UMAD1: variants seen among roughly 807,000 people sequenced by gnomAD.
UMAD1 encodes UBAP1-MVB12-associated (UMA)-domain containing protein 1.
Under a neutral mutation model 6.1 loss-of-function variants are expected in UMAD1, and 8 were observed. That is an observed-to-expected ratio of 1.30 (90% confidence interval 0.76 to 2.35). The LOEUF (loss-of-function observed/expected upper bound fraction) is 2.35. Ranked by LOEUF, UMAD1 falls within the 30% of genes most tolerant of loss-of-function variation. The probability of loss-of-function intolerance (pLI) is 0.00; values close to 1 mark genes in which losing one functional copy is unlikely to be tolerated. For missense variants in UMAD1, 130 were observed against 78.4 expected (o/e 1.66, Z -2.49); for synonymous variants, 56 against 31.4 (o/e 1.78, Z -2.61).
chr7:7,867,611 A>G (rs1784257722), intron 3 of UMAD1, among the ~76,000 whole-genome samples: 1 of 152,192 alleles, frequency 6.6e-6, no homozygotes, highest in African/African-American at 2.4e-5. Flanking sequence ...GATTATTAGT[A>G]ACCTTTGTGA....
At chr7:7,844,431 A>G (rs577144721) in intron 3 of UMAD1, among the ~76,000 whole-genome samples, 2 of 152,152 alleles carry the variant, frequency 1.3e-5, no homozygotes, top group South Asian at 4.2e-4. Flanking sequence ...TGCCTCTGCT[A>G]TTAACTTTTA....
At chr7:7,875,515 C>G (rs550670657) in intron 3 of UMAD1, among the ~76,000 whole-genome samples, 11 of 152,322 alleles carry the variant, frequency 7.2e-5, no homozygotes. Flanking sequence ...GATATCACCA[C>G]TGATCCCACA....
intron 2 of UMAD1, among the ~76,000 whole-genome samples, chr7:7,726,315 C>T (rs533207911): frequency 6.6e-6 from 1 of 152,182 alleles, no homozygotes; most frequent in Non-Finnish European, 1.5e-5. Flanking sequence ...TGCCTCTGAC[C>T]AAGGCACTCA....
At chr7:7,722,625 C>T (rs1395268100) in intron 2 of UMAD1, among the ~76,000 whole-genome samples, 1 of 152,144 alleles carries the variant, frequency 6.6e-6, no homozygotes, top group Non-Finnish European at 1.5e-5. Context: ...TGACTCCTGG[C>T]TACAGAAGCA....
At chr7:7,869,606 T>A (rs997877058) in intron 3 of UMAD1, among the ~76,000 whole-genome samples, 2 of 152,212 alleles carry the variant, frequency 1.3e-5, no homozygotes, top group South Asian at 4.1e-4. Context: ...GTCTGAGGCA[T>A]AGGTTGCAGA....
chr7:7,671,497 T>C (rs1010507444), intron 1 of UMAD1, among the ~76,000 whole-genome samples: 1 of 152,230 alleles, frequency 6.6e-6, no homozygotes, highest in Non-Finnish European at 1.5e-5. Context: ...TAATTAGCTG[T>C]TGTTCCTTAA....
chr7:7,693,533 A>G (rs1025486933), intron 2 of UMAD1, among the ~76,000 whole-genome samples: 1 of 152,118 alleles, frequency 6.6e-6, no homozygotes, highest in Non-Finnish European at 1.5e-5. Context: ...TTTATTCTCA[A>G]AAGAGCTTCA....
intron 3 of UMAD1, among the ~76,000 whole-genome samples, chr7:7,826,993 T>C (rs1783354203): frequency 6.6e-6 from 1 of 152,104 alleles, no homozygotes; most frequent in South Asian, 2.1e-4. Flanking sequence ...TTTAATGAAT[T>C]ATAAGGAATT....
intron 3 of UMAD1, among the ~76,000 whole-genome samples, chr7:7,806,980 T>C (rs1444941710): frequency 6.6e-6 from 1 of 152,192 alleles, no homozygotes; most frequent in African/African-American, 2.4e-5. Context: ...AGAGGTTTCT[T>C]TTGGCAAGTT....
At chr7:7,819,391 G>A (rs1459894822) in intron 3 of UMAD1, among the ~76,000 whole-genome samples, 1 of 152,090 alleles carries the variant, frequency 6.6e-6, no homozygotes, top group Non-Finnish European at 1.5e-5. Flanking sequence ...TAAGTTGTAG[G>A]TAATTACTAG....
intron 1 of UMAD1, among the ~76,000 whole-genome samples, chr7:7,648,889 T>C (rs1785157491): frequency 6.7e-6 from 1 of 150,318 alleles, no homozygotes; most frequent in Admixed American, 6.6e-5. Context: ...CCGGGCGCGG[T>C]CGCTCACACT....
chr7:7,743,167 T>C (rs1781507608), intron 2 of UMAD1, among the ~76,000 whole-genome samples: 1 of 152,166 alleles, frequency 6.6e-6, no homozygotes, highest in Admixed American at 6.5e-5. Context: ...TTTGGTCTGG[T>C]GGTGCAGGAT....
chr7:7,806,144 G>A (rs1344314875), intron 3 of UMAD1, among the ~76,000 whole-genome samples: 1 of 151,988 alleles, frequency 6.6e-6, no homozygotes, highest in Non-Finnish European at 1.5e-5. Flanking sequence ...TCTTCCAAAT[G>A]TGGTTTCTCC....
intron 3 of UMAD1, among the ~76,000 whole-genome samples, chr7:7,812,245 A>G (rs1783034590): frequency 6.6e-6 from 1 of 152,172 alleles, no homozygotes; most frequent in Non-Finnish European, 1.5e-5. Context: ...CAAACTGCAC[A>G]TATGGTGTGG....
At chr7:7,741,580 ATAATAAT>A (rs1196599396) in intron 2 of UMAD1, among the ~76,000 whole-genome samples, 11,343 of 92,882 alleles carry the variant, frequency 0.12, 565 homozygotes, top group African/African-American at 0.23. Flanking sequence ...ACGTCTCAAA[ATAATAAT>A]AATAATAATA....
intron 2 of UMAD1, among the ~76,000 whole-genome samples, chr7:7,729,963 G>T (rs547470348): frequency 2.0e-5 from 3 of 152,294 alleles, no homozygotes; most frequent in South Asian, 2.1e-4. Context: ...CTCTCACCCA[G>T]TCTGGAGCCT....
intron 2 of UMAD1, among the ~76,000 whole-genome samples, chr7:7,781,948 A>T (rs1438681243): frequency 6.6e-6 from 1 of 152,106 alleles, no homozygotes; most frequent in Non-Finnish European, 1.5e-5. Context: ...TCAGTTCTCA[A>T]CTATTTTCTC....
intron 2 of UMAD1, among the ~76,000 whole-genome samples, chr7:7,678,460 AAT>A (rs545168491): frequency 4.7e-4 from 67 of 142,286 alleles, no homozygotes; most frequent in African/African-American, 1.3e-3. Flanking sequence ...TTATATAATA[AAT>A]ATATATTTAT....
intron 3 of UMAD1, among the ~76,000 whole-genome samples, chr7:7,877,044 T>C (rs1176764650): frequency 2.0e-5 from 3 of 152,106 alleles, no homozygotes; most frequent in African/African-American, 7.2e-5. Context: ...AGAAGGCCAG[T>C]TTGTGTTTAA....
Sources: gnomAD v4.1 joint callset for allele counts (sites outside exome capture counted in the v4.1 genomes callset) on GRCh38, gnomAD v4.1.1 for gene constraint, MANE v1.5 for transcripts, NCBI Gene and HGNC (gene_info 2026-07-23, HGNC 2026-07-21) for gene names.